Variants in ATF2 observed in about 807,000 individuals in gnomAD.
ATF2 encodes the protein activating transcription factor 2.
Under a neutral mutation model 60.6 loss-of-function variants are expected in ATF2, and 24 were observed. The ratio of observed to expected loss-of-function variants is 0.40; its 90% CI spans 0.29 to 0.56. ATF2 has a LOEUF of 0.56. ATF2 is among the 20% of genes least tolerant of loss of function. The pLI is 0.54. For missense variants in ATF2, 433 were observed against 607.7 expected, an observed-to-expected ratio of 0.71 and a Z score of 3.02; for synonymous variants, 206 against 215.4, an observed-to-expected ratio of 0.96 and a Z score of 0.38.
chr2:175,084,097 G>A (rs559954430), intron 12 of ATF2, among the ~76,000 whole-genome samples: 139 of 152,226 alleles, frequency 9.1e-4, no homozygotes, highest in Middle Eastern at 6.8e-3. Flanking sequence ...ATTCCTCAGG[G>A]ATCTAGAACT....
At chr2:175,079,256 T>C (rs901479111) in intron 13 of ATF2, among the ~76,000 whole-genome samples, 1 of 152,194 alleles carries the variant, frequency 6.6e-6, no homozygotes, top group Admixed American at 6.6e-5. Context: ...TAATTCTGAA[T>C]TGGATACAAT....
chr2:175,124,366 C>T (rs1697180034), intron 4 of ATF2, among the ~76,000 whole-genome samples: 1 of 151,308 alleles, frequency 6.6e-6, no homozygotes, highest in Admixed American at 6.6e-5. Context: ...GGTAACCTGT[C>T]AGATGGGAAG....
Position 175,093,271 on chromosome 2 carries a change from T to C in ATF2, c.979-4A>G. 6.2e-7 allele frequency: 1 copy of C among 1,613,294 alleles called. No homozygotes were observed. The highest frequency in any genetic ancestry group is 8.5e-7 in the Non-Finnish European group (1 of 1,179,564). ...GAGTTGTGTGAGCTGGAGAAGCCTA[T>C]TATAAACAGAGATGAAAGCCTGTTA... On this transcript the variant is annotated splice_polypyrimidine_tract_variant and splice_region_variant and intron_variant, in intron 11 of 13. Transcript: ENST00000264110.
intron 12 of ATF2, among the ~76,000 whole-genome samples, chr2:175,086,089 A>G (rs1391563663): frequency 6.6e-6 from 1 of 152,216 alleles, no homozygotes; most frequent in Non-Finnish European, 1.5e-5. Flanking sequence ...AAATAAACCA[A>G]CAAATTCAAG....
intron 4 of ATF2, among the ~76,000 whole-genome samples, chr2:175,128,608 A>G (rs1055839213): frequency 1.3e-5 from 2 of 152,228 alleles, no homozygotes; most frequent in Admixed American, 6.5e-5. Flanking sequence ...GAGGAAAACA[A>G]AGGAGAATAC....
At chr2:175,163,862 A>G (rs1700171636) in intron 1 of ATF2, among the ~76,000 whole-genome samples, 1 of 131,820 alleles carries the variant, frequency 7.6e-6, no homozygotes, top group Non-Finnish European at 1.6e-5. Context: ...GGCAGAGGTT[A>G]CAATGAGCTG....
chr2:175,095,282 A>G (rs1277575375), intron 11 of ATF2, among the ~76,000 whole-genome samples: 1 of 152,016 alleles, frequency 6.6e-6, no homozygotes. Context: ...TATTTTTAGT[A>G]GAGACGGGGT....
intron 12 of ATF2, among the ~76,000 whole-genome samples, chr2:175,092,064 TAA>T (rs1437936052): frequency 6.6e-6 from 1 of 152,110 alleles, no homozygotes; most frequent in Non-Finnish European, 1.5e-5. Flanking sequence ...CAAAGCAAAA[TAA>T]AGACTTAAAG....
intron 1 of ATF2, among the ~76,000 whole-genome samples, chr2:175,160,221 C>T (rs1410587261): frequency 1.3e-5 from 2 of 151,990 alleles, no homozygotes; most frequent in East Asian, 1.9e-4. Flanking sequence ...TCCATCTCTA[C>T]AAAAAATTAA....
chr2:175,074,065 C>A lies in ATF2; in HGVS notation c.*544G>T, dbSNP rs1248225992. 2 of 152,198 alleles carry A rather than the reference C, an allele frequency of 1.3e-5. No individual in the cohort carries two copies. The highest frequency in any genetic ancestry group is 1.9e-4 in the East Asian group (1 of 5,196). The allele number at this position is 152,198 out of a possible 1,614,324, so 9.4% of individuals were successfully genotyped here. A position where few individuals can be genotyped will look rare whatever the true frequency, so the allele number is the denominator to read the frequency against. On this transcript the variant is annotated 3_prime_UTR_variant, in exon 14 of 14. Transcript: ENST00000264110. ...TTTCACTCACTTAAAAAAAAGTGTTCTTTAATGTTTTTCCTTTTGCATAAT... is the reference window on the plus strand; with the variant it reads ...TTTCACTCACTTAAAAAAAAGTGTTATTTAATGTTTTTCCTTTTGCATAAT...
At chr2:175,082,202 A>C (rs1693806686) in intron 12 of ATF2, among the ~76,000 whole-genome samples, 1 of 152,216 alleles carries the variant, frequency 6.6e-6, no homozygotes, top group Non-Finnish European at 1.5e-5. Flanking sequence ...ATAACAATGA[A>C]CTACATCACT....
intron 12 of ATF2, among the ~76,000 whole-genome samples, chr2:175,089,269 G>C (rs1224675715): frequency 6.6e-6 from 1 of 152,070 alleles, no homozygotes; most frequent in East Asian, 1.9e-4. Flanking sequence ...TGATGAAATT[G>C]CTCTTTTAGC....
At chr2:175,154,194 A>G (rs1276275812) in intron 1 of ATF2, among the ~76,000 whole-genome samples, 2 of 150,740 alleles carry the variant, frequency 1.3e-5, no homozygotes, top group African/African-American at 4.9e-5. Context: ...AGCCTAGGCA[A>G]GAAGAGCGAA....
intron 4 of ATF2, among the ~76,000 whole-genome samples, chr2:175,129,475 T>C (rs1272454683): frequency 2.0e-5 from 3 of 152,086 alleles, no homozygotes; most frequent in Admixed American, 6.6e-5. Flanking sequence ...ATTTAAAATA[T>C]CAACTAAAGA....
At chr2:175,099,512 T>C (rs1186345173) in intron 10 of ATF2, among the ~76,000 whole-genome samples, 1 of 152,186 alleles carries the variant, frequency 6.6e-6, no homozygotes, top group East Asian at 1.9e-4. Context: ...CATACTCTCC[T>C]TCTACTCCCT....
intron 2 of ATF2, among the ~76,000 whole-genome samples, chr2:175,145,086 A>C (rs1363231049): frequency 6.6e-6 from 1 of 152,208 alleles, no homozygotes; most frequent in Non-Finnish European, 1.5e-5. Context: ...TCTCAACATA[A>C]AGATACAGAA....
intron 2 of ATF2, among the ~76,000 whole-genome samples, chr2:175,146,563 GTCC>G (rs1416118326): frequency 2.0e-5 from 3 of 152,184 alleles, no homozygotes; most frequent in African/African-American, 7.2e-5. Flanking sequence ...TTACACAGCA[GTCC>G]TCCACTTATC....
rs1559037381 is a variant in ATF2, at chr2:175,072,679, G to A, written c.*1930C>T. The A allele has an allele frequency of 6.6e-6, 1 of 152,044 alleles. No homozygotes were observed. The highest frequency in any genetic ancestry group is 1.5e-5 in the Non-Finnish European group (1 of 67,994). 9.4% of individuals were successfully genotyped at this position (152,044 alleles called of 1,614,324 possible). A position where few individuals can be genotyped will look rare whatever the true frequency, so the allele number is the denominator to read the frequency against. The stretch of plus-strand genomic sequence containing the variant: ...TACAATAAAAAATAGCCTTCTTGCA[G>A]AATTCATATTTTGTGCCTTTGAGAT... On this transcript the variant is annotated 3_prime_UTR_variant, in exon 14 of 14. Transcript: ENST00000264110.
In ATF2 at chr2:175,083,171, A is replaced by C. The variant is rs1474411209; in HGVS notation, c.1186-2406T>G. ...CTTTAAAGTTCATATGGAACCAAAA[A>C]AGAGCCTGCATCGCCAAGTCAATCC... On this transcript the variant is annotated intron_variant, in intron 12 of 13. Coordinates refer to ENST00000264110, the MANE Select transcript of ATF2 (RefSeq NM_001880.4). 2.0e-5 allele frequency among the ~76,000 whole-genome samples: 3 copies of C among 152,060 alleles called. No homozygotes were observed. The East Asian group carries it at 5.8e-4, about 29-fold the overall frequency.
Sources: gnomAD v4.1 joint callset for allele counts (sites outside exome capture counted in the v4.1 genomes callset) on GRCh38, gnomAD v4.1.1 for gene constraint, MANE v1.5 for transcripts, NCBI Gene and HGNC (gene_info 2026-07-23, HGNC 2026-07-21) for gene names.